TEP1: variants seen among roughly 807,000 people sequenced by gnomAD.
The protein encoded by TEP1 is telomerase protein component 1.
TEP1 carries 241 observed loss-of-function variants against 306.3 expected under a neutral mutation model. The ratio of observed to expected loss-of-function variants is 0.79; its 90% CI spans 0.71 to 0.88. TEP1 has a LOEUF of 0.88. Among genes scored for constraint, TEP1 ranks in the 40% least tolerant of loss-of-function variants. The probability of loss-of-function intolerance (pLI) is 0.00; values close to 1 mark genes in which losing one functional copy is unlikely to be tolerated. For missense variants in TEP1, 3,051 were observed against 3,276.1 expected (o/e 0.93, Z 1.68); for synonymous variants, 1,289 against 1,305.5 (o/e 0.99, Z 0.27).
intron 10 of TEP1, 24 bp from the exon 11 acceptor site, chr14:20,395,973 T>C (rs372016616): frequency 1.1e-5 from 18 of 1,603,316 alleles, no homozygotes; most frequent in Admixed American, 3.3e-5. Context: ...GAGGGAGGGG[T>C]CATGAGCACA....
Position 20,386,175 on chromosome 14 carries a change from C to G in TEP1, c.2882G>C (p.Gly961Ala). ...RRNRQLEVCL[G>A]EVENAQLFVG... ...AAACAGCTGTGCGTTCTCCACCTCC[C>G]CAAGGCACACTTCCAGTTGTCTGTA... The change falls in exon 20 of 55, where the codon GGG becomes GCG. Residue 961 changes from glycine (G) to alanine (A), a missense_variant. Gly to Ala is a moderately conservative substitution (Grantham distance 60, BLOSUM62 0). Coordinates refer to ENST00000262715, the MANE Select transcript of TEP1 (RefSeq NM_007110.5). The G allele has an allele frequency of 1.9e-6, 3 of 1,613,984 alleles. No individual in the cohort carries two copies. Among genetic ancestry groups the G allele is most frequent in the Non-Finnish European group, 2.5e-6 (3 of 1,179,952 alleles).
In TEP1 at chr14:20,378,975, C is replaced by T; in HGVS notation, c.5252+6G>A. ...CATTCCAAGACAAATGGGGAGGACC[C>T]CTTACCGACAACCATGCTGCAGGTC... On this transcript the variant is annotated splice_donor_region_variant and intron_variant, in intron 36 of 54. Coordinates refer to ENST00000262715, the MANE Select transcript of TEP1 (RefSeq NM_007110.5). 6.2e-7 allele frequency: 1 copy of T among 1,614,182 alleles called. No homozygotes were observed. The highest frequency in any genetic ancestry group is 1.1e-5 in the South Asian group (1 of 91,064).
intron 9 of TEP1, among the ~76,000 whole-genome samples, chr14:20,400,106 C>T (rs184068106): frequency 5.5e-5 from 8 of 145,422 alleles, no homozygotes; most frequent in South Asian, 2.2e-4. Context: ...CATTGCATTC[C>T]GGCCTGGGCA....
In TEP1 at chr14:20,380,475, G is replaced by A; in HGVS notation, c.4763C>T (p.Ala1588Val). The A allele has an allele frequency of 1.2e-6, 2 of 1,610,002 alleles. No homozygotes were observed. Among genetic ancestry groups the A allele is most frequent in the Middle Eastern group, 1.7e-4 (1 of 6,040 alleles). ...TTGTTCCTCTTTGGGGACTGAAGAAGCTATAAAAGGGTGGCAGAATGTCAC... is the reference window on the plus strand; with the variant it reads ...TTGTTCCTCTTTGGGGACTGAAGAAACTATAAAAGGGTGGCAGAATGTCAC... ...SRLLEAHALY[A>V]SSVPKEEQKL... Residue 1588 changes from alanine (A) to valine (V), a missense_variant and splice_region_variant, in exon 34 of 55, where the codon GCT becomes GTT. Around this residue, in one of 3 missense-constraint regions of TEP1, gnomAD observed 1,540 missense variants for 1,705.9 expected, o/e 0.90. Coordinates refer to ENST00000262715, the MANE Select transcript of TEP1 (RefSeq NM_007110.5).
At chr14:20,378,645 G>C (rs1885344771) in intron 37 of TEP1, 109 bp downstream of exon 37, 3 of 1,571,410 alleles carry the variant, frequency 1.9e-6, no homozygotes, top group Non-Finnish European at 2.6e-6. Context: ...AGCAGGGAAG[G>C]CCTTCTCTGG....
rs12436041 is a variant in TEP1, at chr14:20,381,781, G to A, written c.4425-95C>T. 0.052 allele frequency: 78,965 copies of A among 1,531,782 alleles called. 2,335 individuals are homozygous for A. The highest frequency in any genetic ancestry group is 0.087 in the South Asian group (6,777 of 77,622). 94.9% of individuals were successfully genotyped at this position (1,531,782 alleles called of 1,614,324 possible). ...GGCTCCTATTCCCCCCTCAAATAGC[G>A]GAAACTGGAGCAGCTGGAGCAGTAG... is the stretch of plus-strand genomic sequence containing the variant. On this transcript the variant is annotated intron_variant, in intron 30 of 54. Transcript: ENST00000262715. This position sits in a 1 kb window ranked among gnomAD's most constrained non-coding sequence, Gnocchi z 4.0.
rs149434806 is a variant in TEP1, at chr14:20,383,786, G to A, written c.3667C>T (p.Arg1223Cys). Reference sequence around the variant, plus strand: ...GCACCTGGCTCTTTTAGTTGGCCACGCAGATAGGTACAGAGGCGTCTGAGC... The same window carrying A: ...GCACCTGGCTCTTTTAGTTGGCCACACAGATAGGTACAGAGGCGTCTGAGC... ...TLLRRLCTYLRGQLKEPGALP... is the reference protein window; with the variant it reads ...TLLRRLCTYLCGQLKEPGALP... The change falls in exon 25 of 55, where the codon CGT becomes TGT. Residue 1223 changes from arginine (R) to cysteine (C), a missense_variant. Physicochemically the swap from Arg to Cys is radical, Grantham distance 180. Around this residue, in one of 3 missense-constraint regions of TEP1, gnomAD observed 1,507 missense variants for 1,550.5 expected, o/e 0.97. Transcript: ENST00000262715. 6.6e-5 allele frequency: 106 copies of A among 1,611,196 alleles called. No homozygotes were observed. Among genetic ancestry groups the A allele is most frequent in the African/African-American group, 8.0e-5 (6 of 75,022 alleles).
At position 20,406,395 on chromosome 14, in the gene TEP1, A is replaced by G; in HGVS notation, c.573T>C (p.Arg191=). The change falls in exon 3 of 55, where the codon CGT becomes CGC. Residue 191 remains arginine (R), a synonymous_variant. Transcript: ENST00000262715. ...CTTTCTTCTCTTCTGAATCAAACCA[A>G]CGACCCTGGGGTAGTAGTGGCAGTT... The part of the protein sequence containing the change: ...TETAQEATLG[R]WFDSEEKKGA... The G allele has an allele frequency of 6.2e-7, 1 of 1,613,964 alleles. No individual in the cohort carries two copies. Among genetic ancestry groups the G allele is most frequent in the African/African-American group, 1.3e-5 (1 of 75,002 alleles).
Position 20,401,052 on chromosome 14 carries a change from C to A in TEP1, c.1481G>T (p.Arg494Met). The A allele has an allele frequency of 6.2e-7, 1 of 1,614,236 alleles. No individual in the cohort carries two copies. Among genetic ancestry groups the A allele is most frequent in the South Asian group, 1.1e-5 (1 of 91,092 alleles). Residue 494 changes from arginine (R) to methionine (M), a missense_variant, in exon 9 of 55, where the codon AGG becomes ATG. Arg to Met is a moderately conservative substitution (Grantham distance 91). Coordinates refer to ENST00000262715, the MANE Select transcript of TEP1 (RefSeq NM_007110.5). ...CAGCTCCCGCTCCCAGGTCTCTGGC[C>A]TAGACAGCTTCATCCTCTTCCCAGC... is the stretch of plus-strand genomic sequence containing the variant. ...SRAGKRMKLS[R>M]PETWERELSL...
At chr14:20,387,816 C>T in intron 18 of TEP1, 89 bp downstream of exon 18, 1 of 1,477,080 alleles carries the variant, frequency 6.8e-7, no homozygotes, top group Non-Finnish European at 9.1e-7. Context: ...ACAAGCGGCA[C>T]CTCACCAGCT....
In TEP1 at chr14:20,408,227, G is replaced by T. The variant is rs772191389; in HGVS notation, c.213C>A (p.His71Gln). Residue 71 changes from histidine (H) to glutamine (Q), a missense_variant, in exon 2 of 55, where the codon CAC (histidine) becomes CAA (glutamine). His to Gln is a conservative substitution (Grantham distance 24, BLOSUM62 0). Transcript: ENST00000262715. ...GGTTCTCCAAGGAGAGGATGTCTGG[G>T]TGGGCAGACACATATCCATGTGGTT... ...MEKPHGYVSAHPDILSLENQC... is the reference protein window; with the variant it reads ...MEKPHGYVSAQPDILSLENQC... 6.2e-7 allele frequency: 1 copy of T among 1,613,350 alleles called. No individual in the cohort carries two copies. The highest frequency in any genetic ancestry group is 8.5e-7 in the Non-Finnish European group (1 of 1,179,542).
chr14:20,401,696 A>C (rs1878771432), intron 7 of TEP1, 115 bp from the exon 8 acceptor site: 1 of 1,470,608 alleles, frequency 6.8e-7, no homozygotes, highest in Non-Finnish European at 9.2e-7. Context: ...TTCTTTCTTC[A>C]AAATAGATTT....
chr14:20,383,944 T>C (rs1472303130), intron 24 of TEP1, 26 bp from the exon 25 acceptor site: 14 of 1,592,982 alleles, frequency 8.8e-6, no homozygotes, highest in South Asian at 1.1e-5. Context: ...ACAGAAAACA[T>C]GGTCACATTT....
intron 3 of TEP1, among the ~76,000 whole-genome samples, 191 bp downstream of exon 3, chr14:20,406,042 G>C (rs1247492356): frequency 1.3e-5 from 2 of 148,524 alleles, no homozygotes; most frequent in African/African-American, 2.5e-5. Flanking sequence ...GGAAAAGAGA[G>C]AAAGAAAGGA....
chr14:20,400,316 T>C (rs932890543), intron 9 of TEP1, among the ~76,000 whole-genome samples: 19 of 151,456 alleles, frequency 1.3e-4, no homozygotes, highest in Admixed American at 1.1e-3. Flanking sequence ...GTGTGTGCAG[T>C]GGCTCATGCC....
intron 1 of TEP1, among the ~76,000 whole-genome samples, chr14:20,410,187 T>G (rs1879542495): frequency 6.6e-6 from 1 of 152,134 alleles, no homozygotes; most frequent in African/African-American, 2.4e-5. Context: ...AACTACTAAA[T>G]TCTATTGATT....
intron 35 of TEP1, among the ~76,000 whole-genome samples, chr14:20,379,334 T>C (rs1428145391): frequency 6.6e-6 from 1 of 152,228 alleles, no homozygotes; most frequent in African/African-American, 2.4e-5. Flanking sequence ...ACAGAAAATT[T>C]TGATGGGTCT....
intron 1 of TEP1, among the ~76,000 whole-genome samples, chr14:20,412,951 G>A (rs1879789658): frequency 6.6e-6 from 1 of 151,912 alleles, no homozygotes; most frequent in South Asian, 2.1e-4. Flanking sequence ...GAACCACCGC[G>A]CCCGGCCTCC....
At chr14:20,407,536 T>A (rs373885587) in intron 2 of TEP1, among the ~76,000 whole-genome samples, 1 of 152,204 alleles carries the variant, frequency 6.6e-6, no homozygotes, top group Non-Finnish European at 1.5e-5. Context: ...AGACGGGGTT[T>A]CACCATGTTG....
Sources: gnomAD v4.1 joint callset for allele counts (sites outside exome capture counted in the v4.1 genomes callset) on GRCh38, gnomAD v4.1.1 for gene constraint, gnomAD v4.1.1 regional missense constraint, Gnocchi (gnomAD v3.1) non-coding constraint, MANE v1.5 for transcripts, NCBI Gene and HGNC (gene_info 2026-07-23, HGNC 2026-07-21) for gene names.